HHAT: variants seen among roughly 807,000 people sequenced by gnomAD.
The protein encoded by HHAT is protein-cysteine N-palmitoyltransferase HHAT.
Under a neutral mutation model 70.8 loss-of-function variants are expected in HHAT, and 47 were observed. The observed-to-expected ratio is 0.66, with a 90% CI of 0.53 to 0.85. The LOEUF is 0.85. HHAT is among the 40% of genes least tolerant of loss of function. The pLI, the probability that HHAT is intolerant of heterozygous loss-of-function variation, is 0.00. For synonymous variants in HHAT, 228 were observed against 247.6 expected (o/e 0.92, Z 0.74); for missense variants, 609 against 604.8 (o/e 1.01, Z -0.07).
chr1:210,387,010 AC>A (rs1161069190), intron 3 of HHAT, among the ~76,000 whole-genome samples: 1 of 152,222 alleles, frequency 6.6e-6, no homozygotes, highest in Non-Finnish European at 1.5e-5. Context: ...TGTCCAGTTT[AC>A]ATTTCTCAGT....
intron 2 of HHAT, among the ~76,000 whole-genome samples, chr1:210,353,236 C>T (rs528913096): frequency 2.6e-4 from 39 of 152,096 alleles, no homozygotes; most frequent in Admixed American, 2.2e-3. Context: ...ACGCCCGGCC[C>T]CTCTCTGTTT....
intron 1 of HHAT, among the ~76,000 whole-genome samples, chr1:210,345,066 A>G (rs2086396056): frequency 1.3e-5 from 2 of 152,190 alleles, no homozygotes; most frequent in South Asian, 4.1e-4. Flanking sequence ...TTGGTCTGTA[A>G]TAAAGTCACT....
intron 8 of HHAT, among the ~76,000 whole-genome samples, chr1:210,476,249 A>C (rs969313769): frequency 1.3e-5 from 2 of 152,184 alleles, no homozygotes; most frequent in Non-Finnish European, 2.9e-5. Context: ...ATTCTAATCC[A>C]CCTGTCTGTA....
At chr1:210,338,619 T>C (rs2085728131) in intron 1 of HHAT, among the ~76,000 whole-genome samples, 1 of 152,214 alleles carries the variant, frequency 6.6e-6, no homozygotes, top group South Asian at 2.1e-4. Context: ...TGAGGTTCGC[T>C]ATTACTGTGT....
Position 210,577,966 on chromosome 1 carries a change from T to C in HHAT, c.1044-9932T>C, listed in dbSNP as rs367714354. ...CAGTTGGCCTGTAATTTTTTAATGA[T>C]GTCTTTGTCTGGCTTTGGTATAGGG... On this transcript the variant is annotated intron_variant, in intron 9 of 11. Coordinates refer to ENST00000261458, the MANE Select transcript of HHAT (RefSeq NM_018194.6). Among the ~76,000 whole-genome samples, 5 of 152,122 alleles carry C rather than the reference T, an allele frequency of 3.3e-5. No individual in the cohort carries two copies. In the East Asian group the frequency reaches 5.8e-4, roughly 18 times the overall value.
chr1:210,593,789 G>A (rs1381850917), intron 10 of HHAT, among the ~76,000 whole-genome samples: 1 of 151,982 alleles, frequency 6.6e-6, no homozygotes, highest in Non-Finnish European at 1.5e-5. Flanking sequence ...AGCTGTTATT[G>A]GGGTATCTCT....
At chr1:210,481,461 G>A (rs1390859957) in intron 8 of HHAT, among the ~76,000 whole-genome samples, 2 of 152,094 alleles carry the variant, frequency 1.3e-5, no homozygotes, top group Admixed American at 6.6e-5. Flanking sequence ...ACTTAGCAAC[G>A]CTAGACAGCA....
chr1:210,554,258 G>A (rs563307155), intron 9 of HHAT, among the ~76,000 whole-genome samples: 1 of 152,300 alleles, frequency 6.6e-6, no homozygotes, highest in Admixed American at 6.5e-5. Context: ...CATCGTGCTA[G>A]GGGTTCAAAA....
intron 11 of HHAT, among the ~76,000 whole-genome samples, chr1:210,666,548 A>G (rs1678935089): frequency 6.6e-6 from 1 of 152,082 alleles, no homozygotes; most frequent in South Asian, 2.1e-4. Context: ...CAGTGGCACA[A>G]TTTCGGCTTG....
chr1:210,544,446 C>T (rs1213558923), intron 9 of HHAT, among the ~76,000 whole-genome samples: 2 of 140,862 alleles, frequency 1.4e-5, no homozygotes, highest in East Asian at 4.7e-4. Context: ...GAACTCAGCT[C>T]ACTGCAACCT....
intron 5 of HHAT, among the ~76,000 whole-genome samples, 164 bp from the exon 6 acceptor site, chr1:210,404,300 A>C (rs948829294): frequency 6.6e-6 from 1 of 152,160 alleles, no homozygotes; most frequent in East Asian, 1.9e-4. Flanking sequence ...TTGGTTCTCG[A>C]CTGCCTTTTA....
intron 7 of HHAT, among the ~76,000 whole-genome samples, chr1:210,449,381 G>A (rs916327620): frequency 2.6e-5 from 4 of 151,202 alleles, no homozygotes; most frequent in Admixed American, 6.6e-5. Context: ...GTCGTGCTTC[G>A]TGGCTGACGA....
At chr1:210,504,145 T>C (rs1452474455) in intron 8 of HHAT, among the ~76,000 whole-genome samples, 1 of 152,236 alleles carries the variant, frequency 6.6e-6, no homozygotes, top group Non-Finnish European at 1.5e-5. Context: ...GTTTCCAGAA[T>C]ACTTACAAGG....
chr1:210,615,019 G>C (rs1667389209), intron 10 of HHAT, among the ~76,000 whole-genome samples: 1 of 152,160 alleles, frequency 6.6e-6, no homozygotes, highest in African/African-American at 2.4e-5. Context: ...CTAGTTTAGA[G>C]TCCCACCAAC....
At chr1:210,391,422 T>A (rs747797765) in intron 4 of HHAT, among the ~76,000 whole-genome samples, 62 of 152,206 alleles carry the variant, frequency 4.1e-4, no homozygotes, top group Admixed American at 5.2e-4. Context: ...AAAACACTGA[T>A]AAATTTAACT....
intron 3 of HHAT, among the ~76,000 whole-genome samples, chr1:210,364,300 A>G (rs1379760870): frequency 6.6e-6 from 1 of 152,222 alleles, no homozygotes; most frequent in African/African-American, 2.4e-5. Context: ...AGATGAGGAA[A>G]TCTGGGAAGC....
intron 10 of HHAT, among the ~76,000 whole-genome samples, chr1:210,608,687 A>C (rs1003992903): frequency 2.6e-5 from 4 of 152,168 alleles, no homozygotes; most frequent in Non-Finnish European, 5.9e-5. Flanking sequence ...TGCTGCTGTA[A>C]TGAAATACCT....
chr1:210,392,206 A>G (rs1395619122), intron 4 of HHAT, among the ~76,000 whole-genome samples: 1 of 152,146 alleles, frequency 6.6e-6, no homozygotes, highest in East Asian at 1.9e-4. Flanking sequence ...ACATGGAAGA[A>G]TGAAATGATG....
At chr1:210,587,496 TG>T (rs1488905050) in intron 9 of HHAT, among the ~76,000 whole-genome samples, 6 of 152,110 alleles carry the variant, frequency 3.9e-5, no homozygotes, top group Non-Finnish European at 8.8e-5. Context: ...GAGATTTGGG[TG>T]GGGTCACAGC....
Sources: allele counts gnomAD v4.1 joint callset (sites outside exome capture counted in the v4.1 genomes callset), GRCh38; gene constraint gnomAD v4.1.1; transcripts MANE v1.5; gene names NCBI Gene and HGNC (gene_info 2026-07-23, HGNC 2026-07-21).